Variants in LINGO2 observed in about 807,000 individuals in gnomAD.
The protein encoded by LINGO2 is leucine-rich repeat and immunoglobulin-like domain-containing nogo receptor-interacting protein 2.
Under a neutral mutation model 30.6 loss-of-function variants are expected in LINGO2, and 14 were observed. That is an observed-to-expected ratio of 0.46 (90% CI 0.30 to 0.72). The LOEUF (loss-of-function observed/expected upper bound fraction) is 0.72. Among genes scored for constraint, LINGO2 ranks in the 30% least tolerant of loss-of-function variants. The pLI, the probability that LINGO2 is intolerant of heterozygous loss-of-function variation, is 0.07. For missense variants in LINGO2, 729 were observed against 751.7 expected (o/e 0.97, Z 0.35); for synonymous variants, 317 against 288.5 (o/e 1.10, Z -1.00).
At chr9:28,007,697 G>C (rs758954059) in intron 5 of LINGO2, among the ~76,000 whole-genome samples, 2 of 152,120 alleles carry the variant, frequency 1.3e-5, no homozygotes, top group Non-Finnish European at 2.9e-5. Context: ...CCTTGGAGCT[G>C]CAGAAACATC....
the LINGO2 span, among the ~76,000 whole-genome samples, chr9:29,036,157 C>T: frequency 2.0e-5 from 3 of 152,186 alleles, no homozygotes; most frequent in South Asian, 6.2e-4. Context: ...TTTATCAATA[C>T]TTACACTACG....
intron 3 of LINGO2, among the ~76,000 whole-genome samples, chr9:28,354,361 TA>T (rs1029345590): frequency 2.6e-5 from 4 of 152,170 alleles, no homozygotes; most frequent in African/African-American, 9.7e-5. Context: ...TTCAGAAATA[TA>T]AAGCAAATAT....
the LINGO2 span, among the ~76,000 whole-genome samples, chr9:28,775,124 T>C: frequency 6.6e-6 from 1 of 152,134 alleles, no homozygotes; most frequent in African/African-American, 2.4e-5. Flanking sequence ...AACAGAGTTA[T>C]GAGTTGTGCC....
At chr9:28,218,794 A>G (rs1438181546) in intron 4 of LINGO2, among the ~76,000 whole-genome samples, 4 of 151,740 alleles carry the variant, frequency 2.6e-5, no homozygotes, top group East Asian at 1.9e-4. Flanking sequence ...AGGCCATGAG[A>G]CCCTGATATG....
the LINGO2 span, among the ~76,000 whole-genome samples, chr9:28,878,541 A>C: frequency 6.6e-6 from 1 of 152,216 alleles, no homozygotes; most frequent in African/African-American, 2.4e-5. Context: ...ACCAAAAAAG[A>C]GAATTTTAGA....
the LINGO2 span, among the ~76,000 whole-genome samples, chr9:28,675,903 ATG>A: frequency 8.3e-6 from 1 of 120,062 alleles, no homozygotes; most frequent in Admixed American, 9.7e-5. Flanking sequence ...GTGTGTGTGT[ATG>A]TATATATATA....
At chr9:28,912,289 A>G in the LINGO2 span, among the ~76,000 whole-genome samples, 1 of 152,146 alleles carries the variant, frequency 6.6e-6, no homozygotes, top group African/African-American at 2.4e-5. Context: ...CAGTTCTATG[A>G]AAAACCTGTG....
the LINGO2 span, among the ~76,000 whole-genome samples, chr9:29,012,858 CT>C: frequency 6.6e-6 from 1 of 152,094 alleles, no homozygotes; most frequent in African/African-American, 2.4e-5. Context: ...CATTAGTAGA[CT>C]TTGATCCACT....
intron 3 of LINGO2, among the ~76,000 whole-genome samples, chr9:28,360,458 A>G (rs576042544): frequency 1.3e-5 from 2 of 152,270 alleles, no homozygotes; most frequent in South Asian, 4.1e-4. Context: ...GCACATACAA[A>G]CTGCCCCATG....
chr9:27,956,580 G>A (rs7045254), intron 5 of LINGO2, among the ~76,000 whole-genome samples: 82,498 of 151,698 alleles, frequency 0.54, 23,678 homozygotes, highest in Non-Finnish European at 0.62. Context: ...TTAATGATTT[G>A]TCCTTTTGGT....
chr9:29,046,569 C>G, the LINGO2 span, among the ~76,000 whole-genome samples: 1 of 152,104 alleles, frequency 6.6e-6, no homozygotes, highest in African/African-American at 2.4e-5. Context: ...AAACCCCTTT[C>G]TTACACCAAA....
chr9:28,591,958 C>T (rs1330328994), intron 1 of LINGO2, among the ~76,000 whole-genome samples: 1 of 151,916 alleles, frequency 6.6e-6, no homozygotes, highest in African/African-American at 2.4e-5. Flanking sequence ...TGGGCAGAAG[C>T]CAGAAGCTCC....
chr9:28,817,128 T>C, the LINGO2 span, among the ~76,000 whole-genome samples: 3 of 152,126 alleles, frequency 2.0e-5, no homozygotes, highest in Non-Finnish European at 2.9e-5. Context: ...AGAACCCATA[T>C]GCATCAAAGA....
At chr9:28,901,708 A>G in the LINGO2 span, among the ~76,000 whole-genome samples, 1 of 151,540 alleles carries the variant, frequency 6.6e-6, no homozygotes, top group African/African-American at 2.4e-5. Context: ...TACTAGATAA[A>G]CCATGAATAA....
the LINGO2 span, among the ~76,000 whole-genome samples, chr9:28,943,698 G>A: frequency 1.3e-5 from 2 of 152,106 alleles, no homozygotes; most frequent in African/African-American, 2.4e-5. Flanking sequence ...AGTAACAAAC[G>A]TATGCATTGC....
chr9:28,386,662 A>T (rs1821592352), intron 2 of LINGO2, among the ~76,000 whole-genome samples: 1 of 152,334 alleles, frequency 6.6e-6, no homozygotes, highest in African/African-American at 2.4e-5. Context: ...GGTGTGGTAT[A>T]TGAGAATTTC....
chr9:29,044,986 T>C, the LINGO2 span, among the ~76,000 whole-genome samples: 2 of 152,112 alleles, frequency 1.3e-5, no homozygotes, highest in African/African-American at 4.8e-5. Flanking sequence ...TTGTAAAATA[T>C]CTTATTGTAC....
At chr9:29,186,334 G>C in the LINGO2 span, among the ~76,000 whole-genome samples, 1 of 152,002 alleles carries the variant, frequency 6.6e-6, no homozygotes, top group South Asian at 2.1e-4. Context: ...ATAAAGAAAA[G>C]GAAATGCAAC....
upstream of LINGO2, among the ~76,000 whole-genome samples, chr9:28,672,750 G>T (rs1486020982): frequency 6.6e-6 from 1 of 152,114 alleles, no homozygotes; most frequent in Non-Finnish European, 1.5e-5. Flanking sequence ...TTACAATGGA[G>T]AGAATCCTGA....
Sources: allele counts gnomAD v4.1 joint callset (sites outside exome capture counted in the v4.1 genomes callset), GRCh38; gene constraint gnomAD v4.1.1; transcripts MANE v1.5; gene names NCBI Gene and HGNC (gene_info 2026-07-23, HGNC 2026-07-21).